SPATA9: variants seen among roughly 807,000 people sequenced by gnomAD.
The protein encoded by SPATA9 is spermatogenesis-associated protein 9.
A neutral mutation model predicts 25.5 loss-of-function variants in SPATA9; 27 were observed. The observed-to-expected ratio is 1.06, with a 90% CI of 0.78 to 1.46. SPATA9 has a LOEUF of 1.46. Among genes scored for constraint, SPATA9 ranks in the 40% most tolerant of loss-of-function variants. The pLI is 0.00. For synonymous variants in SPATA9, 102 were observed against 105.7 expected, an observed-to-expected ratio of 0.97 and a Z score of 0.21; for missense variants, 282 against 297.5, an observed-to-expected ratio of 0.95 and a Z score of 0.38.
In SPATA9 at chr5:95,658,926, A is replaced by C. The variant is rs767007007; in HGVS notation, c.475-13T>G. Reference sequence around the variant, plus strand: ...TAACACAGACTGCCTATACAATAAAAAGAGTTTGTAAAGTGAAGTTTCTTT... The same window carrying C: ...TAACACAGACTGCCTATACAATAAACAGAGTTTGTAAAGTGAAGTTTCTTT... On this transcript the variant is annotated splice_polypyrimidine_tract_variant and intron_variant, in intron 4 of 4. Transcript: ENST00000274432. 1 of 1,569,310 alleles carries C rather than the reference A, an allele frequency of 6.4e-7. No individual in the cohort carries two copies. Among genetic ancestry groups the C allele is most frequent in the South Asian group, 1.2e-5 (1 of 83,590 alleles).
At chr5:95,723,355 T>C in the SPATA9 span, among the ~76,000 whole-genome samples, 1 of 152,222 alleles carries the variant, frequency 6.6e-6, no homozygotes, top group African/African-American at 2.4e-5. Context: ...CAACTGAGAT[T>C]ACAGCCTTGC....
chr5:95,731,135 C>T, the SPATA9 span: 11 of 1,019,972 alleles, frequency 1.1e-5, no homozygotes, highest in East Asian at 1.1e-4. Flanking sequence ...AATTTATATT[C>T]CGCGGCGCCC....
At chr5:95,662,829 A>G (rs1371894272) in intron 4 of SPATA9, among the ~76,000 whole-genome samples, 2 of 151,270 alleles carry the variant, frequency 1.3e-5, no homozygotes, top group Non-Finnish European at 3.0e-5. Context: ...AGGAGATGCA[A>G]ATTAAAACCA....
chr5:95,675,752 T>C, intron 2 of SPATA9, 113 bp from the exon 3 acceptor site: 6 of 752,294 alleles, frequency 8.0e-6, no homozygotes, highest in Non-Finnish European at 1.3e-5. Context: ...GTGTCATGCA[T>C]ATATTCAACA....
chr5:95,687,996 A>C (rs1753791525), upstream of SPATA9, among the ~76,000 whole-genome samples: 1 of 152,194 alleles, frequency 6.6e-6, no homozygotes, highest in Non-Finnish European at 1.5e-5. Context: ...ACTTCTATGG[A>C]CAACAGTATG....
At chr5:95,662,506 C>T (rs2112561134) in intron 4 of SPATA9, among the ~76,000 whole-genome samples, 1 of 152,242 alleles carries the variant, frequency 6.6e-6, no homozygotes, top group Middle Eastern at 3.4e-3. Flanking sequence ...CCTGCTTCAG[C>T]CTCCCCCGTC....
upstream of SPATA9, among the ~76,000 whole-genome samples, chr5:95,701,583 G>T (rs1052899107): frequency 6.6e-6 from 1 of 151,822 alleles, no homozygotes; most frequent in African/African-American, 2.4e-5. Flanking sequence ...CAAAGAGAAA[G>T]CATCCTCAGT....
upstream of SPATA9, among the ~76,000 whole-genome samples, chr5:95,699,581 A>C (rs1424181700): frequency 6.6e-6 from 1 of 152,242 alleles, no homozygotes; most frequent in Non-Finnish European, 1.5e-5. Context: ...AGAAGGGACA[A>C]ATATAAAGGA....
chr5:95,674,657 A>G (rs1406801516), intron 3 of SPATA9: 4 of 386,792 alleles, frequency 1.0e-5, no homozygotes, highest in Admixed American at 3.1e-5. Flanking sequence ...CAAAAGCGAG[A>G]AAGGATCCGG....
upstream of SPATA9, among the ~76,000 whole-genome samples, chr5:95,702,351 G>A (rs1265960622): frequency 6.6e-6 from 1 of 152,166 alleles, no homozygotes; most frequent in African/African-American, 2.4e-5. Flanking sequence ...TATCCATCAA[G>A]GGATAGAATT....
intron 3 of SPATA9, among the ~76,000 whole-genome samples, chr5:95,675,208 G>A (rs1004433255): frequency 6.6e-6 from 1 of 152,144 alleles, no homozygotes; most frequent in Non-Finnish European, 1.5e-5. Flanking sequence ...GAAATGGACA[G>A]TTTCATATAG....
Position 95,682,817 on chromosome 5 carries a change from A to G in SPATA9, c.38T>C (p.Val13Ala). 1 of 1,549,218 alleles carries G rather than the reference A, an allele frequency of 6.5e-7. No homozygotes were observed. Among genetic ancestry groups the G allele is most frequent in the African/African-American group, 1.4e-5 (1 of 72,604 alleles). ...IKPVGWICGQ[V>A]LKNFSGRIEG... ...ACTTCTTCCAGAAAAGTTCTTCAACACCTGCCCACATATCCACCCAACAGG... is the reference window on the plus strand; with the variant it reads ...ACTTCTTCCAGAAAAGTTCTTCAACGCCTGCCCACATATCCACCCAACAGG... The change falls in exon 1 of 5, where the codon GTG becomes GCG. Residue 13 changes from valine to alanine, a missense_variant. Coordinates refer to ENST00000274432, the MANE Select transcript of SPATA9 (RefSeq NM_031952.4).
At chr5:95,691,408 A>G (rs1283356635) in intron 1 of SPATA9, among the ~76,000 whole-genome samples, 1 of 152,166 alleles carries the variant, frequency 6.6e-6, no homozygotes, top group Non-Finnish European at 1.5e-5. Flanking sequence ...ATACACACAT[A>G]TATGTTGGGA....
intron 4 of SPATA9, among the ~76,000 whole-genome samples, chr5:95,660,161 C>T (rs1191728563): frequency 2.0e-5 from 3 of 152,102 alleles, no homozygotes; most frequent in Non-Finnish European, 4.4e-5. Flanking sequence ...AAGGCACTGG[C>T]AGATTCAGGG....
intron 3 of SPATA9, chr5:95,674,836 A>T (rs1444157524): frequency 4.4e-6 from 2 of 454,952 alleles, no homozygotes; most frequent in Admixed American, 4.7e-5. Flanking sequence ...TAGATGCCAG[A>T]ATTGCAAAAT....
At chr5:95,730,135 T>G in the SPATA9 span, among the ~76,000 whole-genome samples, 1 of 151,890 alleles carries the variant, frequency 6.6e-6, no homozygotes, top group Non-Finnish European at 1.5e-5. Flanking sequence ...ATATCCTCTC[T>G]GAGCACGAGA....
intron 4 of SPATA9, among the ~76,000 whole-genome samples, chr5:95,660,246 C>T (rs1261154469): frequency 1.3e-5 from 2 of 152,084 alleles, no homozygotes; most frequent in African/African-American, 2.4e-5. Context: ...AGAAACAAGG[C>T]AGCTGTCTCA....
At chr5:95,698,375 C>T (rs1754091178) in intron 1 of SPATA9, among the ~76,000 whole-genome samples, 1 of 152,170 alleles carries the variant, frequency 6.6e-6, no homozygotes, top group Non-Finnish European at 1.5e-5. Context: ...TGAAGGGAGC[C>T]AGTCTGAAAT....
chr5:95,666,178 T>G (rs914212308), intron 3 of SPATA9, among the ~76,000 whole-genome samples: 3 of 152,160 alleles, frequency 2.0e-5, no homozygotes, highest in Non-Finnish European at 4.4e-5. Context: ...AACTTGCCCC[T>G]GGTAATATAG....
Sources: gnomAD v4.1 joint callset for allele counts (sites outside exome capture counted in the v4.1 genomes callset) on GRCh38, gnomAD v4.1.1 for gene constraint, MANE v1.5 for transcripts, NCBI Gene and HGNC (gene_info 2026-07-23, HGNC 2026-07-21) for gene names.